MYOF: variants seen among roughly 807,000 people sequenced by gnomAD.
MYOF encodes fer-1-like 3, myoferlin.
In MYOF, 244 loss-of-function variants were observed where a neutral mutation model predicts 284.2. The ratio of observed to expected loss-of-function variants is 0.86; its 90% confidence interval spans 0.77 to 0.95. The LOEUF (loss-of-function observed/expected upper bound fraction) is 0.95. MYOF is among the 40% of genes least tolerant of loss of function. The probability of loss-of-function intolerance (pLI) is 0.00; values close to 1 mark genes in which losing one functional copy is unlikely to be tolerated. For synonymous variants in MYOF, 904 were observed against 919.7 expected (o/e 0.98, Z 0.31); for missense variants, 2,496 against 2,560.6 (o/e 0.97, Z 0.54).
At chr10:93,451,386 T>C (rs2056586128) in intron 3 of MYOF, among the ~76,000 whole-genome samples, 1 of 152,042 alleles carries the variant, frequency 6.6e-6, no homozygotes, top group Non-Finnish European at 1.5e-5. Flanking sequence ...ATTGGTAACA[T>C]ACGACTGGGT....
intron 15 of MYOF, 47 bp from the exon 16 acceptor site, chr10:93,396,271 G>A: frequency 7.5e-7 from 1 of 1,326,390 alleles, no homozygotes. Context: ...AAGGTTCAGA[G>A]CTCCATCTAG....
At chr10:93,363,001 C>T (rs955373104) in intron 27 of MYOF, among the ~76,000 whole-genome samples, 4 of 151,984 alleles carry the variant, frequency 2.6e-5, no homozygotes, top group Non-Finnish European at 5.9e-5. Flanking sequence ...TGTTACATTG[C>T]TTATAAAAAC....
chr10:93,386,293 T>A (rs981037952), intron 19 of MYOF, among the ~76,000 whole-genome samples: 1 of 152,180 alleles, frequency 6.6e-6, no homozygotes, highest in African/African-American at 2.4e-5. Context: ...CCCTCTTTTT[T>A]CCTTTTCTTA....
At chr10:93,452,489 A>G (rs1023442734) in intron 2 of MYOF, among the ~76,000 whole-genome samples, 2 of 142,026 alleles carry the variant, frequency 1.4e-5, no homozygotes, top group Non-Finnish European at 3.0e-5. Context: ...CTCACTCATA[A>G]GTGGGAATTG....
chr10:93,435,935 C>A (rs1168830847), intron 3 of MYOF, among the ~76,000 whole-genome samples: 1 of 150,536 alleles, frequency 6.6e-6, no homozygotes, highest in East Asian at 1.9e-4. Flanking sequence ...AAATTATTTT[C>A]TCTCTTTTTT....
intron 16 of MYOF, 80 bp from the exon 17 acceptor site, chr10:93,393,035 CAG>C: frequency 7.8e-7 from 1 of 1,277,398 alleles, no homozygotes; most frequent in Non-Finnish European, 1.1e-6. Flanking sequence ...TAATCAAATC[CAG>C]TGCCAGGTAT....
In MYOF at chr10:93,409,436, GGTTTATACACTGA is replaced by G. The variant is rs1171729665; in HGVS notation, c.600+124_600+136del. 1.7e-5 allele frequency: 18 copies of G among 1,079,466 alleles called. No individual in the cohort carries two copies. In the East Asian group the frequency reaches 3.6e-4, roughly 22 times the overall value. 66.9% of individuals were successfully genotyped at this position (1,079,466 alleles called of 1,614,324 possible). On this transcript the variant is annotated intron_variant, in intron 6 of 53. Transcript: ENST00000359263. ...GAAAGATGGAGAGCTTTTCTTACTGGGTTTATACACTGACATCTCTCTTTACCGGTTGAGCCAT... is the reference window on the plus strand; with the variant it reads ...GAAAGATGGAGAGCTTTTCTTACTGGCATCTCTCTTTACCGGTTGAGCCAT...
intron 48 of MYOF, among the ~76,000 whole-genome samples, chr10:93,321,429 T>TTC (rs1842836921): frequency 6.8e-6 from 1 of 147,354 alleles, no homozygotes; most frequent in South Asian, 2.1e-4. Context: ...TTTTTTTTTT[T>TTC]TTTTTTACAA....
intron 51 of MYOF, among the ~76,000 whole-genome samples, chr10:93,310,941 T>C (rs1260821223): frequency 6.6e-6 from 1 of 152,170 alleles, no homozygotes; most frequent in African/African-American, 2.4e-5. Context: ...CACCTTCCTA[T>C]GTAACTTCAC....
chr10:93,402,673 T>C (rs12266676), intron 10 of MYOF, among the ~76,000 whole-genome samples, 187 bp downstream of exon 10: 15,177 of 152,258 alleles, frequency 0.1, 1,313 homozygotes, highest in African/African-American at 0.24. Context: ...AGACATTTTT[T>C]CTAAGCTACT....
chr10:93,324,989 A>G (rs1842982499), intron 46 of MYOF, among the ~76,000 whole-genome samples: 1 of 152,110 alleles, frequency 6.6e-6, no homozygotes, highest in African/African-American at 2.4e-5. Flanking sequence ...CATCTTGGCC[A>G]GGCTGGTCTC....
chr10:93,441,066 A>AT, intron 3 of MYOF, among the ~76,000 whole-genome samples: 1 of 152,244 alleles, frequency 6.6e-6, no homozygotes. Flanking sequence ...TCTAGTTTAG[A>AT]TTTTTGTACA....
At position 93,414,734 on chromosome 10, in the gene MYOF, TTTTG is replaced by T. The variant is rs572207717; in HGVS notation, c.434-4999_434-4996del. Among the ~76,000 whole-genome samples the T allele has an allele frequency of 2.2e-3, 328 of 151,794 alleles. 2 individuals are homozygous for T. The highest frequency in any genetic ancestry group is 6.1e-3 in the South Asian group (29 of 4,792). The stretch of plus-strand genomic sequence containing the variant: ...TTTGTTGTTTTTTGTGGTTTTGTGT[TTTTG>T]TTTGTTTGTTTGTTTGTTTTTTTGA... On this transcript the variant is annotated intron_variant, in intron 5 of 53. Coordinates refer to ENST00000359263, the MANE Select transcript of MYOF (RefSeq NM_013451.4).
At chr10:93,471,952 G>A (rs1002427035) in intron 1 of MYOF, among the ~76,000 whole-genome samples, 1 of 151,942 alleles carries the variant, frequency 6.6e-6, no homozygotes, top group African/African-American at 2.4e-5. Context: ...AGAGGACCAA[G>A]GCTATTTCCC....
intron 38 of MYOF, 118 bp downstream of exon 38, chr10:93,343,738 G>T: frequency 9.8e-7 from 1 of 1,020,496 alleles, no homozygotes; most frequent in Non-Finnish European, 1.5e-6. Flanking sequence ...TCAATAAATG[G>T]ATTGGCTGAT....
At chr10:93,317,989 T>C (rs1401062075) in intron 49 of MYOF, among the ~76,000 whole-genome samples, 2 of 152,176 alleles carry the variant, frequency 1.3e-5, no homozygotes, top group African/African-American at 4.8e-5. Flanking sequence ...CTGACTGTCC[T>C]GGGTAGGATC....
intron 50 of MYOF, among the ~76,000 whole-genome samples, chr10:93,315,048 CT>C (rs879580005): frequency 1.3e-5 from 2 of 151,596 alleles, no homozygotes; most frequent in Non-Finnish European, 2.9e-5. Flanking sequence ...GAGACTCTGT[CT>C]CAACAAACAA....
intron 45 of MYOF, among the ~76,000 whole-genome samples, chr10:93,327,978 C>T (rs942089991): frequency 9.9e-5 from 15 of 152,084 alleles, no homozygotes; most frequent in African/African-American, 3.6e-4. Context: ...CCATGTTGGT[C>T]AGGCTGGTCT....
intron 46 of MYOF, among the ~76,000 whole-genome samples, chr10:93,325,318 G>A (rs1019264523): frequency 6.6e-6 from 1 of 152,064 alleles, no homozygotes; most frequent in African/African-American, 2.4e-5. Context: ...CATGGTCCTC[G>A]CCTCCCTGAT....
Sources: allele counts gnomAD v4.1 joint callset (sites outside exome capture counted in the v4.1 genomes callset), GRCh38; gene constraint gnomAD v4.1.1; transcripts MANE v1.5; gene names NCBI Gene and HGNC (gene_info 2026-07-23, HGNC 2026-07-21).